Variants in SHB observed in about 807,000 individuals in gnomAD.
The protein encoded by SHB is SH2 domain-containing adapter protein B.
SHB carries 20 observed loss-of-function variants against 52.3 expected under a neutral mutation model. The ratio of observed to expected loss-of-function variants is 0.38; its 90% CI spans 0.27 to 0.56. SHB has a LOEUF of 0.56. Among genes scored for constraint, SHB ranks in the 20% least tolerant of loss-of-function variants. The pLI, the probability that SHB is intolerant of heterozygous loss-of-function variation, is 0.71. For missense variants in SHB, 825 were observed against 723.3 expected (o/e 1.14, Z -1.61); for synonymous variants, 397 against 316.5 (o/e 1.25, Z -2.70).
chr9:37,970,251 G>T (rs1026648127), intron 3 of SHB, among the ~76,000 whole-genome samples: 3 of 152,210 alleles, frequency 2.0e-5, no homozygotes, highest in Non-Finnish European at 4.4e-5. Context: ...TGTTTGGACG[G>T]CTCCAAGTAT....
At chr9:37,920,043 G>A in intron 5 of SHB, 39 bp from the exon 6 acceptor site, 2 of 1,550,140 alleles carry the variant, frequency 1.3e-6, no homozygotes, top group East Asian at 2.2e-5. Context: ...CTACCCCCCT[G>A]ACACTCAGGC....
At chr9:38,032,419 C>T (rs537598055) in intron 1 of SHB, among the ~76,000 whole-genome samples, 2 of 152,330 alleles carry the variant, frequency 1.3e-5, no homozygotes, top group South Asian at 2.1e-4. Flanking sequence ...CAGGCTCCTT[C>T]TGGGCAACAG....
At position 37,960,482 on chromosome 9, in the gene SHB, C is replaced by T. The variant is rs953206193; in HGVS notation, c.1055-4428G>A. ...TGGAATCTGAAGGAGGAAAGTAAGA[C>T]TCAGAGCTGTGCAGGTTGAGGCTCT... On this transcript the variant is annotated intron_variant, in intron 3 of 5. Coordinates refer to ENST00000377707, the MANE Select transcript of SHB (RefSeq NM_003028.3). Among the ~76,000 whole-genome samples the T allele has an allele frequency of 2.4e-4, 36 of 152,350 alleles. 1 individual carries two copies. Among genetic ancestry groups the T allele is most frequent in the African/African-American group, 8.4e-4 (35 of 41,584 alleles).
rs756369695 is a variant in SHB, at chr9:38,016,158, A to G, written c.718-27T>C. 6.8e-6 allele frequency: 11 copies of G among 1,613,224 alleles called. No individual in the cohort carries two copies. The Admixed American group carries it at 1.8e-4, about 27-fold the overall frequency. On this transcript the variant is annotated intron_variant, in intron 1 of 5. Coordinates refer to ENST00000377707, the MANE Select transcript of SHB (RefSeq NM_003028.3). ...TGCAGGGAGGAAGATGGCAGGTGTG[A>G]GTCCACCTTTGGCTTTTTTGTTTCA...
intron 1 of SHB, among the ~76,000 whole-genome samples, chr9:38,019,395 G>A (rs1821256248): frequency 6.6e-6 from 1 of 152,224 alleles, no homozygotes; most frequent in Non-Finnish European, 1.5e-5. Context: ...CAGTGGCCTG[G>A]GGATGGCCTC....
chr9:38,020,406 G>C (rs557128232), intron 1 of SHB, among the ~76,000 whole-genome samples: 1 of 152,328 alleles, frequency 6.6e-6, no homozygotes, highest in African/African-American at 2.4e-5. Flanking sequence ...GCTAGAGCCA[G>C]CACCCTTCCC....
In SHB at chr9:37,979,282, G is replaced by A. The variant is rs544114594; in HGVS notation, c.839-4445C>T. On this transcript the variant is annotated intron_variant, in intron 2 of 5. Transcript: ENST00000377707. ...AAAGCAGAAACATTAACAGGATGGG[G>A]GTTTCTGTTGACCTCTGGAGCAGAA... Among the ~76,000 whole-genome samples, 5 of 152,320 alleles carry A rather than the reference G, an allele frequency of 3.3e-5. No individual in the cohort carries two copies. In the East Asian group the frequency reaches 9.6e-4, roughly 29 times the overall value.
At chr9:37,971,121 C>T (rs1820586106) in intron 3 of SHB, among the ~76,000 whole-genome samples, 1 of 152,160 alleles carries the variant, frequency 6.6e-6, no homozygotes, top group Non-Finnish European at 1.5e-5. Context: ...CTGACAGGTA[C>T]TATGCTAAGG....
rs1055653163 is a variant in SHB, at chr9:37,952,474, C to T, written c.1226+3409G>A. 8.5e-5 allele frequency among the ~76,000 whole-genome samples: 13 copies of T among 152,288 alleles called. 1 individual carries two copies. The highest frequency in any genetic ancestry group is 4.6e-4 in the Admixed American group (7 of 15,304). On this transcript the variant is annotated intron_variant, in intron 4 of 5. Transcript: ENST00000377707. ...GCAGGAGGTAGGCCCAGTTCTTGTGCCCAGGAGGAGAAGTTTGATTTCATC... is the reference window on the plus strand; with the variant it reads ...GCAGGAGGTAGGCCCAGTTCTTGTGTCCAGGAGGAGAAGTTTGATTTCATC...
At chr9:38,047,901 G>A (rs78466070) in intron 1 of SHB, among the ~76,000 whole-genome samples, 3,582 of 152,334 alleles carry the variant, frequency 0.024, 49 homozygotes, top group Non-Finnish European at 0.035. Context: ...ATAAAGTCCC[G>A]ATCGAACACT....
rs369304644 is a variant in SHB, at chr9:37,919,863, C to A, written c.1488G>T (p.Glu496Asp). Residue 496 changes from glutamate (E) to aspartate (D), a missense_variant, in exon 6 of 6, where the codon GAG becomes GAT. Transcript: ENST00000377707. ...CCACGGGATAGAGGAGGGACAAGTGCTCAGCCCCTTTGATGGGTAGCTTTC... is the reference window on the plus strand; with the variant it reads ...CCACGGGATAGAGGAGGGACAAGTGATCAGCCCCTTTGATGGGTAGCTTTC... ...TTRKLPIKGAEHLSLLYPVAV... is the reference protein window; with the variant it reads ...TTRKLPIKGADHLSLLYPVAV... The A allele has an allele frequency of 1.2e-6, 2 of 1,614,112 alleles. No homozygotes were observed. The highest frequency in any genetic ancestry group is 1.7e-6 in the Non-Finnish European group (2 of 1,180,016).
At chr9:37,944,335 T>C (rs1012345207) in intron 5 of SHB, among the ~76,000 whole-genome samples, 1 of 152,146 alleles carries the variant, frequency 6.6e-6, no homozygotes, top group Non-Finnish European at 1.5e-5. Flanking sequence ...AGTGGGAAGC[T>C]GTCACCATCT....
chr9:37,952,699 A>G (rs369486161), intron 4 of SHB, among the ~76,000 whole-genome samples: 1 of 152,136 alleles, frequency 6.6e-6, no homozygotes, highest in East Asian at 1.9e-4. Context: ...TTGGTAAAGC[A>G]ACAGATGCTG....
intron 2 of SHB, among the ~76,000 whole-genome samples, chr9:37,992,626 C>G (rs892749994): frequency 6.6e-6 from 1 of 152,172 alleles, no homozygotes; most frequent in Admixed American, 6.5e-5. Flanking sequence ...TACTTTATCC[C>G]ATGCAGGGGG....
At chr9:38,025,682 G>A (rs940970993) in intron 1 of SHB, among the ~76,000 whole-genome samples, 2 of 152,190 alleles carry the variant, frequency 1.3e-5, no homozygotes, top group South Asian at 2.1e-4. Context: ...CTGAGCCAAC[G>A]CACATGGTGT....
chr9:38,014,829 G>A (rs1821190507), intron 2 of SHB, among the ~76,000 whole-genome samples: 1 of 152,190 alleles, frequency 6.6e-6, no homozygotes, highest in South Asian at 2.1e-4. Context: ...CAATCAACCT[G>A]CACGGCTACA....
chr9:38,057,845 T>C (rs1461926224), intron 1 of SHB, among the ~76,000 whole-genome samples: 2 of 152,246 alleles, frequency 1.3e-5, no homozygotes, highest in African/African-American at 4.8e-5. Context: ...AAGGGACCAC[T>C]TCCTATCAGA....
intron 1 of SHB, among the ~76,000 whole-genome samples, chr9:38,041,601 A>G (rs1821578337): frequency 6.6e-6 from 1 of 152,102 alleles, no homozygotes; most frequent in Non-Finnish European, 1.5e-5. Context: ...GGAGGTGGAG[A>G]AAACCTCATT....
chr9:38,033,896 G>A (rs1049120977), intron 1 of SHB, among the ~76,000 whole-genome samples: 2 of 152,172 alleles, frequency 1.3e-5, no homozygotes, highest in African/African-American at 4.8e-5. Context: ...AGAAGGGGGA[G>A]GTGGCTTGGG....
Sources: gnomAD v4.1 joint callset for allele counts (sites outside exome capture counted in the v4.1 genomes callset) on GRCh38, gnomAD v4.1.1 for gene constraint, MANE v1.5 for transcripts, NCBI Gene and HGNC (gene_info 2026-07-23, HGNC 2026-07-21) for gene names.